The following SUGP1 variants were observed in gnomAD, a reference collection of about 807,000 sequenced individuals.
SUGP1 encodes the protein SURP and G-patch domain containing 1.
SUGP1 carries 34 observed loss-of-function variants against 76.5 expected under a neutral mutation model. The ratio of observed to expected loss-of-function variants is 0.44; its 90% CI spans 0.34 to 0.59. The LOEUF is 0.59. Ranked by LOEUF, SUGP1 falls within the 20% of genes least tolerant of loss-of-function variation. The probability of loss-of-function intolerance (pLI) is 0.01; values close to 1 mark genes in which losing one functional copy is unlikely to be tolerated. For missense variants in SUGP1, 752 were observed against 851.7 expected (o/e 0.88, Z 1.46); for synonymous variants, 326 against 326.2 (o/e 1.00, Z 0.01).
At chr19:19,283,130 C>G (rs1599846489) in intron 8 of SUGP1, among the ~76,000 whole-genome samples, 1 of 151,872 alleles carries the variant, frequency 6.6e-6, no homozygotes, top group East Asian at 1.9e-4. Context: ...TATGTAGATG[C>G]TAGTCTGTTT....
rs575047940 is a variant in SUGP1, at chr19:19,311,896, T to G, written c.207-1696A>C. On this transcript the variant is annotated intron_variant, in intron 2 of 13. Coordinates refer to ENST00000247001, the MANE Select transcript of SUGP1 (RefSeq NM_172231.4). ...GGGAGACTGAGGTAGGAGAATCACT[T>G]GAGCCCAGGAGTTTGAGGCTGCAGT... is the stretch of plus-strand genomic sequence containing the variant. Among the ~76,000 whole-genome samples, 62 of 152,278 alleles carry G rather than the reference T, an allele frequency of 4.1e-4. No homozygotes were observed. The South Asian group carries it at 4.6e-3, about 11-fold the overall frequency.
chr19:19,313,930 G>C (rs1247558929), intron 2 of SUGP1, among the ~76,000 whole-genome samples: 1 of 152,090 alleles, frequency 6.6e-6, no homozygotes, highest in Non-Finnish European at 1.5e-5. Context: ...CCTGAGGCCA[G>C]GAGTTAAAGA....
intron 8 of SUGP1, among the ~76,000 whole-genome samples, chr19:19,288,993 T>G (rs571279498): frequency 1.3e-5 from 2 of 151,292 alleles, no homozygotes; most frequent in African/African-American, 4.8e-5. Context: ...ACCATGTTGG[T>G]CAGGCTGGTC....
At chr19:19,310,747 G>A (rs1343418240) in intron 2 of SUGP1, among the ~76,000 whole-genome samples, 1 of 152,176 alleles carries the variant, frequency 6.6e-6, no homozygotes, top group Non-Finnish European at 1.5e-5. Context: ...AGGCTCAAGA[G>A]ATTGTCATGT....
At chr19:19,295,632 A>ACAC (rs1279841538) in intron 8 of SUGP1, among the ~76,000 whole-genome samples, 1 of 144,974 alleles carries the variant, frequency 6.9e-6, no homozygotes, top group Non-Finnish European at 1.5e-5. Context: ...AAAAAAAAGA[A>ACAC]CCCGACGGCA....
At chr19:19,291,672 G>A (rs781577887) in intron 8 of SUGP1, among the ~76,000 whole-genome samples, 14 of 151,864 alleles carry the variant, frequency 9.2e-5, no homozygotes, top group Admixed American at 6.6e-5. Context: ...GGTGGATCAC[G>A]AGGTCAGGAG....
At chr19:19,302,075 G>A (rs2061276036) in intron 7 of SUGP1, 190 bp downstream of exon 7, 1 of 810,588 alleles carries the variant, frequency 1.2e-6, no homozygotes, top group Non-Finnish European at 1.9e-6. Context: ...ACTACCCAGG[G>A]GTGCTGGTGT....
intron 2 of SUGP1, among the ~76,000 whole-genome samples, chr19:19,310,561 T>C (rs1167254964): frequency 2.0e-5 from 3 of 152,222 alleles, no homozygotes; most frequent in Admixed American, 1.3e-4. Context: ...TCTGGGTTGT[T>C]ACTGACTCAT....
At chr19:19,301,480 C>T (rs1161891417) in intron 7 of SUGP1, among the ~76,000 whole-genome samples, 1 of 152,178 alleles carries the variant, frequency 6.6e-6, no homozygotes, top group African/African-American at 2.4e-5. Flanking sequence ...GCACAGTTGC[C>T]CCATCTGTGA....
At position 19,315,297 on chromosome 19, in the gene SUGP1, C is replaced by T. The variant is rs765828924; in HGVS notation, c.206+1125G>A. On this transcript the variant is annotated intron_variant, in intron 2 of 13. Coordinates refer to ENST00000247001, the MANE Select transcript of SUGP1 (RefSeq NM_172231.4). ...GAGCCATGATCCCACCACTGCACTC[C>T]GGCCTGGGTGACAGAGCAAAACCCT... 1.7e-4 allele frequency among the ~76,000 whole-genome samples: 26 copies of T among 151,880 alleles called. 1 individual carries two copies. The highest frequency in any genetic ancestry group is 4.6e-4 in the Admixed American group (7 of 15,256).
At chr19:19,317,325 T>A (rs1181899675) in intron 1 of SUGP1, among the ~76,000 whole-genome samples, 6 of 151,924 alleles carry the variant, frequency 3.9e-5, no homozygotes. Flanking sequence ...TGGGAGATGA[T>A]CTGGGCAGAA....
In SUGP1 at chr19:19,276,935, G is replaced by A. The variant is rs1392347613; in HGVS notation, c.1911+12C>T. ...TCGACTGAGCAAAGGCAGCCCAGGAGGACATGCGTACCAGGGGGTTGGGCC... is the reference window on the plus strand; with the variant it reads ...TCGACTGAGCAAAGGCAGCCCAGGAAGACATGCGTACCAGGGGGTTGGGCC... On this transcript the variant is annotated intron_variant, in intron 13 of 13. Transcript: ENST00000247001. 4.3e-6 allele frequency: 7 copies of A among 1,612,712 alleles called. No homozygotes were observed. The highest frequency in any genetic ancestry group is 1.1e-5 in the South Asian group (1 of 91,070).
intron 8 of SUGP1, among the ~76,000 whole-genome samples, chr19:19,295,111 A>G (rs577874315): frequency 1.3e-5 from 2 of 152,162 alleles, no homozygotes; most frequent in African/African-American, 4.8e-5. Flanking sequence ...CAGCCTGGGT[A>G]ACATACTGAG....
At position 19,303,742 on chromosome 19, in the gene SUGP1, T is replaced by C. The variant is rs754423277; in HGVS notation, c.644A>G (p.Lys215Arg). ...ELEKVAMEDY[K>R]DNPAFAFLHD... ...TACTCACGCAAATGCTGGGTTATCC[T>C]TGTAGTCCTCCATAGCTACTTTTTC... The change falls in exon 5 of 14, where the codon AAG becomes AGG. Residue 215 changes from lysine to arginine, a missense_variant. Lys to Arg is a conservative substitution (Grantham distance 26, BLOSUM62 2). Coordinates refer to ENST00000247001, the MANE Select transcript of SUGP1 (RefSeq NM_172231.4). 1 of 1,614,234 alleles carries C rather than the reference T, an allele frequency of 6.2e-7. No homozygotes were observed. The highest frequency in any genetic ancestry group is 1.1e-5 in the South Asian group (1 of 91,090).
intron 7 of SUGP1, 108 bp from the exon 8 acceptor site, chr19:19,297,452 T>A: frequency 1.3e-6 from 1 of 784,252 alleles, no homozygotes; most frequent in Non-Finnish European, 1.9e-6. Flanking sequence ...CCAGGGTCAC[T>A]ATATGGTCAT....
chr19:19,285,622 A>G (rs2061133497), intron 8 of SUGP1, among the ~76,000 whole-genome samples: 1 of 152,068 alleles, frequency 6.6e-6, no homozygotes, highest in Non-Finnish European at 1.5e-5. Flanking sequence ...CTGGAGTGCA[A>G]TGGCGTGAAC....
intron 10 of SUGP1, 47 bp downstream of exon 10, chr19:19,279,166 G>T (rs772418396): frequency 1.9e-5 from 29 of 1,515,442 alleles, no homozygotes; most frequent in Non-Finnish European, 2.3e-5. Flanking sequence ...GGCAGGTGAG[G>T]GGGGCCATGC....
intron 3 of SUGP1, among the ~76,000 whole-genome samples, chr19:19,308,553 G>A (rs2061332529): frequency 6.6e-6 from 1 of 152,168 alleles, no homozygotes; most frequent in South Asian, 2.1e-4. Flanking sequence ...GTCATTGTTG[G>A]GTGCCCCCAG....
In SUGP1 at chr19:19,276,515, G is replaced by A; in HGVS notation, c.*133C>T. The A allele has an allele frequency of 2.8e-6, 3 of 1,070,190 alleles. No individual in the cohort carries two copies. The highest frequency in any genetic ancestry group is 2.9e-5 in the South Asian group (2 of 69,220). 66.3% of individuals were successfully genotyped at this position (1,070,190 alleles called of 1,614,324 possible). A position where few individuals can be genotyped will look rare whatever the true frequency, so the allele number is the denominator to read the frequency against. ...CCTGCAACAGGACCAGGCATCTGTG[G>A]TGGATGAGCACTGGGACTTTATTAC... On this transcript the variant is annotated 3_prime_UTR_variant, in exon 14 of 14. Transcript: ENST00000247001.
Sources: allele counts gnomAD v4.1 joint callset (sites outside exome capture counted in the v4.1 genomes callset), GRCh38; gene constraint gnomAD v4.1.1; transcripts MANE v1.5; gene names NCBI Gene and HGNC (gene_info 2026-07-23, HGNC 2026-07-21).